Variants in PRKG1 observed in about 807,000 individuals in gnomAD.
The protein encoded by PRKG1 is cGMP-dependent protein kinase 1.
PRKG1 carries 35 observed loss-of-function variants against 88.1 expected under a neutral mutation model. The ratio of observed to expected loss-of-function variants is 0.40; its 90% CI spans 0.30 to 0.53. PRKG1 has a LOEUF of 0.53. PRKG1 is among the 20% of genes least tolerant of loss of function. The probability of loss-of-function intolerance (pLI) is 0.59; values close to 1 mark genes in which losing one functional copy is unlikely to be tolerated. For synonymous variants in PRKG1, 303 were observed against 292.5 expected, an observed-to-expected ratio of 1.04 and a Z score of -0.37; for missense variants, 540 against 839.8, an observed-to-expected ratio of 0.64 and a Z score of 4.41.
chr10:52,056,075 C>T (rs1846104238), intron 6 of PRKG1, among the ~76,000 whole-genome samples: 1 of 152,116 alleles, frequency 6.6e-6, no homozygotes, highest in African/African-American at 2.4e-5. Flanking sequence ...AGAAGTAGAA[C>T]TCAAGGCTGA....
At chr10:51,893,022 AACTT>A (rs1465738398) in intron 4 of PRKG1, among the ~76,000 whole-genome samples, 2 of 152,178 alleles carry the variant, frequency 1.3e-5, no homozygotes, top group Non-Finnish European at 2.9e-5. Flanking sequence ...GCAATTGTAA[AACTT>A]ACAGAGCAAA....
rs1843170726 is a variant in PRKG1 at position 51,024,041 on chromosome 10, TC to T, written c.266+32398del. Among the ~76,000 whole-genome samples, 2 of 152,206 alleles carry T rather than the reference TC, an allele frequency of 1.3e-5. 1 individual carries two copies. Among genetic ancestry groups the T allele is most frequent in the South Asian group, 4.1e-4 (2 of 4,838 alleles). Reference sequence around the variant, plus strand: ...AATAGATTGCATTCAAAATTTAGCATCTCTGTAGCTCCAACACAACCTCCAT... The same window carrying T: ...AATAGATTGCATTCAAAATTTAGCATTCTGTAGCTCCAACACAACCTCCAT... On this transcript the variant is annotated intron_variant, in intron 1 of 17. Transcript: ENST00000401604.
intron 4 of PRKG1, among the ~76,000 whole-genome samples, chr10:51,852,254 AG>A (rs939391844): frequency 1.3e-5 from 2 of 148,408 alleles, no homozygotes; most frequent in African/African-American, 5.1e-5. Context: ...TCATATATAA[AG>A]TATATATATG....
chr10:51,292,635 T>C (rs1840613230), intron 2 of PRKG1, among the ~76,000 whole-genome samples: 2 of 152,172 alleles, frequency 1.3e-5, no homozygotes, highest in Non-Finnish European at 2.9e-5. Context: ...TTTATAATTA[T>C]ATTGGTTCCT....
chr10:51,992,492 A>ATT (rs147993421), intron 5 of PRKG1, among the ~76,000 whole-genome samples: 1 of 151,308 alleles, frequency 6.6e-6, no homozygotes, highest in African/African-American at 2.4e-5. Flanking sequence ...GAACTATAAC[A>ATT]TTTTTTTTTC....
At chr10:52,187,388 A>G (rs1839226301) in intron 9 of PRKG1, among the ~76,000 whole-genome samples, 1 of 152,050 alleles carries the variant, frequency 6.6e-6, no homozygotes, top group South Asian at 2.1e-4. Context: ...AAGACAGAAA[A>G]CACAAAAGAG....
chr10:51,289,761 AT>A (rs558092477), intron 2 of PRKG1, among the ~76,000 whole-genome samples: 167 of 151,916 alleles, frequency 1.1e-3, no homozygotes, highest in Non-Finnish European at 1.4e-3. Context: ...TGTGTGTAAT[AT>A]TTGTAACCAG....
chr10:51,214,073 A>G (rs111454066), intron 2 of PRKG1, among the ~76,000 whole-genome samples: 3,067 of 152,298 alleles, frequency 0.02, 47 homozygotes, highest in Middle Eastern at 0.051. Context: ...AAATTTTGTT[A>G]GAGAACCTAA....
intron 8 of PRKG1, among the ~76,000 whole-genome samples, chr10:52,150,183 A>AATAATTATTATTATTATTATTATTATT (rs1554810290): frequency 1.2e-4 from 18 of 147,994 alleles, no homozygotes; most frequent in African/African-American, 4.0e-4. Context: ...TAATAATAAT[A>AATAATTATTATTATTATTATTATTATT]ATTTGATTGG....
chr10:51,804,514 C>A, intron 3 of PRKG1, 71 bp from the exon 4 acceptor site: 2 of 1,036,616 alleles, frequency 1.9e-6, no homozygotes, highest in Non-Finnish European at 3.0e-6. Flanking sequence ...ATCTCCTTTG[C>A]AGGATGTTGT....
At chr10:52,220,438 C>T (rs145610989) in intron 9 of PRKG1, among the ~76,000 whole-genome samples, 3 of 151,258 alleles carry the variant, frequency 2.0e-5, no homozygotes, top group Non-Finnish European at 4.4e-5. Flanking sequence ...TATGTAAGTT[C>T]AGGGGTGCAT....
At chr10:51,418,503 C>T (rs1838309977) in intron 2 of PRKG1, among the ~76,000 whole-genome samples, 3 of 152,138 alleles carry the variant, frequency 2.0e-5, no homozygotes, top group Admixed American at 1.3e-4. Context: ...CTATAACATA[C>T]GGACCTAACT....
At chr10:51,071,780 T>C (rs1843829491), upstream of PRKG1, among the ~76,000 whole-genome samples, 1 of 152,244 alleles carries the variant, frequency 6.6e-6, no homozygotes, top group Non-Finnish European at 1.5e-5. Flanking sequence ...ACAGACTTTC[T>C]ACAAATGAGG....
intron 4 of PRKG1, among the ~76,000 whole-genome samples, chr10:51,875,251 G>A (rs1283159744): frequency 2.6e-5 from 4 of 151,744 alleles, no homozygotes; most frequent in South Asian, 2.1e-4. Context: ...GGACAAATGC[G>A]CTTTATTAGA....
In PRKG1 at chr10:51,133,625, G is replaced by A. The variant is rs145514110; in HGVS notation, c.312-19539G>A. On this transcript the variant is annotated intron_variant, in intron 1 of 17. Transcript: ENST00000373980. Reference sequence around the variant, plus strand: ...TTACTGCCTGACTTTCTGGACAAGAGTGTGGAGAGCTTTGATTTCTAAAAC... The same window carrying A: ...TTACTGCCTGACTTTCTGGACAAGAATGTGGAGAGCTTTGATTTCTAAAAC... 9.2e-4 allele frequency among the ~76,000 whole-genome samples: 140 copies of A among 152,318 alleles called. No individual in the cohort carries two copies. The East Asian group carries it at 0.024, about 26-fold the overall frequency.
chr10:51,500,171 T>C (rs763555248), intron 3 of PRKG1, among the ~76,000 whole-genome samples: 1 of 152,244 alleles, frequency 6.6e-6, no homozygotes, highest in Non-Finnish European at 1.5e-5. Context: ...ATTTGCTTTT[T>C]CTTGACTTCA....
At chr10:51,925,435 T>G (rs7071342) in intron 5 of PRKG1, among the ~76,000 whole-genome samples, 10,552 of 152,094 alleles carry the variant, frequency 0.069, 1,211 homozygotes, top group African/African-American at 0.24. Flanking sequence ...TTCTTCTATA[T>G]TCCTGTGTTT....
chr10:51,098,357 A>G (rs2131876776), intron 1 of PRKG1, among the ~76,000 whole-genome samples: 1 of 152,262 alleles, frequency 6.6e-6, no homozygotes, highest in East Asian at 1.9e-4. Context: ...CTTGTTATTT[A>G]CCTATTCCTT....
chr10:51,387,708 T>G (rs960685074), intron 2 of PRKG1, among the ~76,000 whole-genome samples: 2 of 152,186 alleles, frequency 1.3e-5, no homozygotes, highest in African/African-American at 4.8e-5. Flanking sequence ...TTCATGTAGT[T>G]TGCTAACTCC....
Sources: gnomAD v4.1 joint callset for allele counts (sites outside exome capture counted in the v4.1 genomes callset) on GRCh38, gnomAD v4.1.1 for gene constraint, MANE v1.5 for transcripts, NCBI Gene and HGNC (gene_info 2026-07-23, HGNC 2026-07-21) for gene names.